The following PLXNC1 variants were observed in gnomAD, a reference collection of about 807,000 sequenced individuals.
PLXNC1 encodes plexin-C1.
PLXNC1 carries 75 observed loss-of-function variants against 178.2 expected under a neutral mutation model. That is an observed-to-expected ratio of 0.42 (90% confidence interval 0.35 to 0.51). PLXNC1 has a LOEUF of 0.51. PLXNC1 is among the 20% of genes least tolerant of loss of function. PLXNC1 has a pLI of 0.02. For synonymous variants in PLXNC1, 790 were observed against 779.9 expected (o/e 1.01, Z -0.22); for missense variants, 1,503 against 1,984.4 (o/e 0.76, Z 4.61).
chr12:94,219,994 T>G (rs777462169), intron 5 of PLXNC1, 22 bp from the exon 6 acceptor site: 2 of 1,583,076 alleles, frequency 1.3e-6, no homozygotes, highest in Non-Finnish European at 1.7e-6. Context: ...CATCATTTTT[T>G]CCCCATATCT....
intron 4 of PLXNC1, 110 bp downstream of exon 4, chr12:94,186,583 T>C: frequency 2.9e-6 from 2 of 701,314 alleles, no homozygotes; most frequent in Non-Finnish European, 5.2e-6. Context: ...AGGGAACTGA[T>C]CTCTTCCTCG....
intron 1 of PLXNC1, among the ~76,000 whole-genome samples, chr12:94,153,698 G>T (rs1318694199): frequency 6.6e-6 from 1 of 152,166 alleles, no homozygotes; most frequent in Non-Finnish European, 1.5e-5. Context: ...TTGGTCCACA[G>T]GACTCTAGAT....
At position 94,305,356 on chromosome 12, in the gene PLXNC1, ACT is replaced by A; in HGVS notation, c.*74_*75del. The A allele has an allele frequency of 1.2e-6, 1 of 831,650 alleles. No homozygotes were observed. Among genetic ancestry groups the A allele is most frequent in the Non-Finnish European group, 2.0e-6 (1 of 504,622 alleles). The allele number at this position is 831,650 out of a possible 1,614,324, so 51.5% of individuals were successfully genotyped here. ...TGGGAGCAAAATGGCTGCTTGAGCT[ACT>A]CTGTGTCGTTAATTTGTTGTTTGCA... On this transcript the variant is annotated 3_prime_UTR_variant, in exon 31 of 31. Transcript: ENST00000258526.
intron 5 of PLXNC1, among the ~76,000 whole-genome samples, chr12:94,216,605 G>A (rs1158866115): frequency 1.3e-5 from 2 of 152,188 alleles, no homozygotes; most frequent in South Asian, 2.1e-4. Flanking sequence ...TATTCATTCC[G>A]TTTGAAGCAT....
At chr12:94,233,668 G>T (rs1027237993) in intron 9 of PLXNC1, among the ~76,000 whole-genome samples, 1 of 152,146 alleles carries the variant, frequency 6.6e-6, no homozygotes, top group Admixed American at 6.5e-5. Flanking sequence ...AGCCTGTACC[G>T]AGGGGCCCCC....
chr12:94,213,889 T>G (rs1963566117), intron 5 of PLXNC1, among the ~76,000 whole-genome samples: 1 of 148,488 alleles, frequency 6.7e-6, no homozygotes, highest in Non-Finnish European at 1.5e-5. Context: ...TTTTTTGAGA[T>G]GGAGTCTTGC....
intron 14 of PLXNC1, among the ~76,000 whole-genome samples, chr12:94,249,035 C>T (rs1219714548): frequency 6.6e-6 from 1 of 151,802 alleles, no homozygotes; most frequent in Non-Finnish European, 1.5e-5. Context: ...CTCTGTACAG[C>T]CTATATAAAT....
intron 5 of PLXNC1, among the ~76,000 whole-genome samples, chr12:94,214,752 C>T (rs540226313): frequency 6.6e-6 from 1 of 152,274 alleles, no homozygotes; most frequent in East Asian, 1.9e-4. Flanking sequence ...ACTTAAAGAG[C>T]AAGGTACATA....
At chr12:94,200,284 C>T (rs1963074386) in intron 4 of PLXNC1, among the ~76,000 whole-genome samples, 1 of 152,212 alleles carries the variant, frequency 6.6e-6, no homozygotes, top group Non-Finnish European at 1.5e-5. Flanking sequence ...GCAGCATGCA[C>T]TTTCATAAGA....
Position 94,265,059 on chromosome 12 carries a change from A to G in PLXNC1, c.3451-20A>G, listed in dbSNP as rs761070819. 3.1e-6 allele frequency: 5 copies of G among 1,611,916 alleles called. No individual in the cohort carries two copies. The East Asian group carries it at 6.7e-5, about 22-fold the overall frequency. ...TGGATTCCACAGAAAGCTAACTGTCACTTTTGTGTCTTTTCCAAGGAGACT... is the reference window on the plus strand; with the variant it reads ...TGGATTCCACAGAAAGCTAACTGTCGCTTTTGTGTCTTTTCCAAGGAGACT... On this transcript the variant is annotated intron_variant, in intron 20 of 30. Coordinates refer to ENST00000258526, the MANE Select transcript of PLXNC1 (RefSeq NM_005761.3).
chr12:94,283,994 A>T (rs1391443736), intron 23 of PLXNC1, among the ~76,000 whole-genome samples: 1 of 151,174 alleles, frequency 6.6e-6, no homozygotes, highest in Non-Finnish European at 1.5e-5. Flanking sequence ...GAGGCAGGAG[A>T]ATTGCTTGAA....
At chr12:94,215,556 TGATA>T (rs3032367) in intron 5 of PLXNC1, among the ~76,000 whole-genome samples, 18,670 of 149,238 alleles carry the variant, frequency 0.13, 1,911 homozygotes, top group African/African-American at 0.28. Context: ...CAAACATAGA[TGATA>T]GATAGATAGA....
At chr12:94,205,323 G>A (rs528660023) in intron 4 of PLXNC1, among the ~76,000 whole-genome samples, 1 of 152,266 alleles carries the variant, frequency 6.6e-6, no homozygotes, top group South Asian at 2.1e-4. Flanking sequence ...CCAGCTGGGC[G>A]CTGTTCCCAC....
At chr12:94,232,104 G>A (rs548529197) in intron 9 of PLXNC1, among the ~76,000 whole-genome samples, 2 of 151,890 alleles carry the variant, frequency 1.3e-5, no homozygotes, top group Admixed American at 6.5e-5. Context: ...TCCCCCCTCC[G>A]AGATGGAGTT....
intron 21 of PLXNC1, among the ~76,000 whole-genome samples, chr12:94,274,029 G>C (rs1965752537): frequency 6.6e-6 from 1 of 151,848 alleles, no homozygotes; most frequent in African/African-American, 2.4e-5. Flanking sequence ...TGTTTGGATA[G>C]AAGACTTCCA....
chr12:94,201,164 T>C (rs980790934), intron 4 of PLXNC1, among the ~76,000 whole-genome samples: 2 of 152,236 alleles, frequency 1.3e-5, no homozygotes, highest in Non-Finnish European at 2.9e-5. Context: ...AATGCTCTAA[T>C]AGCTGGTACT....
intron 25 of PLXNC1, 48 bp downstream of exon 25, chr12:94,297,268 T>TA: frequency 6.2e-7 from 1 of 1,613,266 alleles, no homozygotes; most frequent in Non-Finnish European, 8.5e-7. Context: ...ATGCCTTCTG[T>TA]AGCAAGAGTG....
chr12:94,243,883 C>T (rs1275560845), intron 11 of PLXNC1, 55 bp from the exon 12 acceptor site: 33 of 814,058 alleles, frequency 4.1e-5, no homozygotes, highest in South Asian at 3.6e-4. Flanking sequence ...TTCATAAATG[C>T]AAAATGCCTG....
At chr12:94,304,717 A>C (rs1968820833) in intron 30 of PLXNC1, among the ~76,000 whole-genome samples, 1 of 152,190 alleles carries the variant, frequency 6.6e-6, no homozygotes, top group African/African-American at 2.4e-5. Flanking sequence ...GTTCTTAAAC[A>C]TGATAAGCAT....
Sources: gnomAD v4.1 joint callset for allele counts (sites outside exome capture counted in the v4.1 genomes callset) on GRCh38, gnomAD v4.1.1 for gene constraint, MANE v1.5 for transcripts, NCBI Gene and HGNC (gene_info 2026-07-23, HGNC 2026-07-21) for gene names.